The following STXBP5 variants were observed in gnomAD, a reference collection of about 807,000 sequenced individuals.
STXBP5 encodes the protein syntaxin binding protein 5.
STXBP5 carries 50 observed loss-of-function variants against 152.4 expected under a neutral mutation model. The ratio of observed to expected loss-of-function variants is 0.33; its 90% CI spans 0.26 to 0.42. The LOEUF (loss-of-function observed/expected upper bound fraction) is 0.42. Ranked by LOEUF, STXBP5 falls within the 10% of genes least tolerant of loss-of-function variation. The pLI is 1.00. For synonymous variants in STXBP5, 492 were observed against 494.7 expected (o/e 0.99, Z 0.07); for missense variants, 1,167 against 1,388.6 (o/e 0.84, Z 2.54).
At chr6:147,227,756 T>C (rs1777793807) in intron 2 of STXBP5, among the ~76,000 whole-genome samples, 2 of 152,198 alleles carry the variant, frequency 1.3e-5, no homozygotes, top group African/African-American at 4.8e-5. Flanking sequence ...TATAAACTTT[T>C]AGTTTGATTC....
intron 4 of STXBP5, among the ~76,000 whole-genome samples, chr6:147,250,950 A>C (rs186631508): frequency 6.7e-6 from 1 of 149,590 alleles, no homozygotes; most frequent in African/African-American, 2.5e-5. Context: ...CATGGGCAAC[A>C]AGAGTGAAAC....
chr6:147,352,076 C>A (rs1272531047), intron 21 of STXBP5, among the ~76,000 whole-genome samples: 1 of 152,144 alleles, frequency 6.6e-6, no homozygotes, highest in African/African-American at 2.4e-5. Context: ...TAGATTAAGA[C>A]AATAACTGAT....
At chr6:147,270,908 A>T (rs537350855) in intron 7 of STXBP5, among the ~76,000 whole-genome samples, 95 of 152,310 alleles carry the variant, frequency 6.2e-4, no homozygotes, top group African/African-American at 2.3e-3. Flanking sequence ...AAGTAGCATA[A>T]TATTATGTGA....
At chr6:147,300,375 G>A (rs979361908) in intron 9 of STXBP5, among the ~76,000 whole-genome samples, 8 of 151,856 alleles carry the variant, frequency 5.3e-5, no homozygotes, top group Non-Finnish European at 7.4e-5. Context: ...CACAAAACAC[G>A]GTGCTGAAGA....
chr6:147,375,046 A>G (rs1193031910), intron 26 of STXBP5, among the ~76,000 whole-genome samples: 1 of 152,206 alleles, frequency 6.6e-6, no homozygotes, highest in Non-Finnish European at 1.5e-5. Flanking sequence ...AAATGATCTC[A>G]GAAAGAATAT....
intron 25 of STXBP5, among the ~76,000 whole-genome samples, chr6:147,368,570 G>T (rs1785401120): frequency 6.6e-6 from 1 of 152,132 alleles, no homozygotes; most frequent in East Asian, 1.9e-4. Context: ...AATTACAGAA[G>T]AATGTTCACT....
intron 18 of STXBP5, among the ~76,000 whole-genome samples, 161 bp downstream of exon 18, chr6:147,327,437 T>C (rs1783322167): frequency 6.6e-6 from 1 of 152,164 alleles, no homozygotes; most frequent in African/African-American, 2.4e-5. Context: ...TTATTTTTGT[T>C]TTCTATAGTT....
intron 25 of STXBP5, among the ~76,000 whole-genome samples, chr6:147,364,941 A>C (rs1373294607): frequency 6.6e-6 from 1 of 152,212 alleles, no homozygotes; most frequent in Non-Finnish European, 1.5e-5. Context: ...GCTGAATTCA[A>C]GTCCATCTTG....
intron 21 of STXBP5, among the ~76,000 whole-genome samples, chr6:147,352,156 CTG>C (rs1487006483): frequency 2.0e-5 from 3 of 152,094 alleles, no homozygotes; most frequent in African/African-American, 7.2e-5. Context: ...AGAAAAATGA[CTG>C]TGGTTTGCAT....
chr6:147,230,398 G>T (rs1439167802), intron 2 of STXBP5, among the ~76,000 whole-genome samples: 1 of 151,578 alleles, frequency 6.6e-6, no homozygotes, highest in Non-Finnish European at 1.5e-5. Flanking sequence ...TTTAAACATG[G>T]TACCCTAAGC....
rs1236571422 is a variant in STXBP5 at position 147,390,170 on chromosome 6, A to G, written c.*5415A>G. On this transcript the variant is annotated 3_prime_UTR_variant, in exon 28 of 28. Transcript: ENST00000321680. The stretch of plus-strand genomic sequence containing the variant: ...GAATATGCATTTTGAAATACGGTTT[A>G]AAAAAAATCTGTGTATTGTTTCATC... 1 of 151,856 alleles carries G rather than the reference A, an allele frequency of 6.6e-6. No homozygotes were observed. The highest frequency in any genetic ancestry group is 2.4e-5 in the African/African-American group (1 of 41,366). 9.4% of individuals were successfully genotyped at this position (151,856 alleles called of 1,614,324 possible).
chr6:147,261,046 T>C (rs1227499193), intron 5 of STXBP5, among the ~76,000 whole-genome samples: 1 of 151,986 alleles, frequency 6.6e-6, no homozygotes, highest in Non-Finnish European at 1.5e-5. Context: ...AATCATCTAA[T>C]TTTTTCTGTT....
At chr6:147,290,670 G>C (rs565692152) in intron 8 of STXBP5, among the ~76,000 whole-genome samples, 2 of 152,270 alleles carry the variant, frequency 1.3e-5, no homozygotes, top group East Asian at 3.9e-4. Context: ...AAATATAAAT[G>C]ATTTTATTAG....
At chr6:147,257,717 A>G (rs1779440867) in intron 4 of STXBP5, among the ~76,000 whole-genome samples, 1 of 152,146 alleles carries the variant, frequency 6.6e-6, no homozygotes. Context: ...GAACTATAAG[A>G]ATTTATTTTC....
intron 16 of STXBP5, among the ~76,000 whole-genome samples, chr6:147,320,247 A>G (rs1782853494): frequency 6.6e-6 from 1 of 152,192 alleles, no homozygotes; most frequent in African/African-American, 2.4e-5. Context: ...AGAGCCAGGT[A>G]GGTTTCCTGG....
At chr6:147,230,337 A>G (rs1248573122) in intron 2 of STXBP5, among the ~76,000 whole-genome samples, 1 of 151,918 alleles carries the variant, frequency 6.6e-6, no homozygotes, top group Non-Finnish European at 1.5e-5. Flanking sequence ...ACAGAATTCT[A>G]GCTTTTTGCT....
At chr6:147,248,695 C>G (rs1778938437) in intron 4 of STXBP5, among the ~76,000 whole-genome samples, 1 of 152,036 alleles carries the variant, frequency 6.6e-6, no homozygotes, top group Non-Finnish European at 1.5e-5. Context: ...TAAGATGGGC[C>G]CCAAGGTATC....
intron 2 of STXBP5, among the ~76,000 whole-genome samples, chr6:147,223,689 T>C (rs957851120): frequency 6.6e-6 from 1 of 152,214 alleles, no homozygotes; most frequent in African/African-American, 2.4e-5. Context: ...ATTTCTTCTT[T>C]AGAGCTTCTG....
chr6:147,349,361 A>T (rs1232001121), intron 21 of STXBP5, among the ~76,000 whole-genome samples: 6 of 152,182 alleles, frequency 3.9e-5, no homozygotes. Context: ...AGAAGCATGC[A>T]TGTCCTTTTT....
Sources: gnomAD v4.1 joint callset for allele counts (sites outside exome capture counted in the v4.1 genomes callset) on GRCh38, gnomAD v4.1.1 for gene constraint, MANE v1.5 for transcripts, NCBI Gene and HGNC (gene_info 2026-07-23, HGNC 2026-07-21) for gene names.